Variants in MTMR8 observed in about 807,000 individuals in gnomAD.
The protein encoded by MTMR8 is myotubularin related protein 8.
MTMR8 carries 65 observed loss-of-function variants against 39.3 expected under a neutral mutation model. The ratio of observed to expected loss-of-function variants is 1.65; its 90% confidence interval spans 1.35 to 2.03. The LOEUF (loss-of-function observed/expected upper bound fraction) is 2.03. MTMR8 is among the 30% of genes most tolerant of loss of function. The probability of loss-of-function intolerance (pLI) is 0.00; values close to 1 mark genes in which losing one functional copy is unlikely to be tolerated. For synonymous variants in MTMR8, 245 were observed against 185.2 expected, an observed-to-expected ratio of 1.32 and a Z score of -2.62; for missense variants, 777 against 538.9, an observed-to-expected ratio of 1.44 and a Z score of -4.37.
intron 13 of MTMR8, 34 bp downstream of exon 13, chrX:64,270,913 C>A (rs1931745387): frequency 1.7e-6 from 2 of 1,197,159 alleles, no homozygotes; most frequent in Admixed American, 2.3e-5. Context: ...CCAGAAGGGG[C>A]AAGAAGATCT....
At chrX:64,293,649 C>A (rs1053904853) in intron 12 of MTMR8, among the ~76,000 whole-genome samples, 6 of 111,066 alleles carry the variant, frequency 5.4e-5, no homozygotes, top group African/African-American at 2.0e-4. Flanking sequence ...GACAATCACC[C>A]TTTTACCATA....
In MTMR8 at chrX:64,328,808, C is replaced by T. The variant is rs781079278; in HGVS notation, c.1445G>A (p.Gly482Glu). 8.4e-7 allele frequency: 1 copy of T among 1,196,339 alleles called. No individual in the cohort carries two copies. The highest frequency in any genetic ancestry group is 1.8e-5 in the African/African-American group (1 of 56,189). ...GGGCACAGTACTAGGATTGAGTACC[C>T]CATACATAGTGAAGCCTTTATAGAG... ...NPLYKGFTMY[G>E]VLNPSTVPYN... The change falls in exon 12 of 14, where the codon GGG (glycine) becomes GAG (glutamate). Residue 482 changes from glycine to glutamate, a missense_variant. Transcript: ENST00000374852.
chrX:64,373,754 G>A (rs1924188457), intron 1 of MTMR8, among the ~76,000 whole-genome samples: 1 of 111,213 alleles, frequency 9.0e-6, no homozygotes, highest in Admixed American at 9.6e-5. Context: ...GAGGCTAGGG[G>A]AAGATGCCAA....
chrX:64,352,080 C>T (rs1273322907), intron 4 of MTMR8, among the ~76,000 whole-genome samples: 1 of 111,930 alleles, frequency 8.9e-6, no homozygotes, highest in Non-Finnish European at 1.9e-5. Context: ...AACAATGTGG[C>T]TTATCCTGAA....
At chrX:64,326,659 C>T (rs1922800835) in intron 12 of MTMR8, among the ~76,000 whole-genome samples, 1 of 110,264 alleles carries the variant, frequency 9.1e-6, no homozygotes, top group Admixed American at 9.7e-5. Context: ...TAACAAAATA[C>T]CAATGGCATT....
At chrX:64,288,178 C>T (rs1921263746) in intron 12 of MTMR8, among the ~76,000 whole-genome samples, 1 of 109,477 alleles carries the variant, frequency 9.1e-6, no homozygotes, top group African/African-American at 3.3e-5. Flanking sequence ...CGAACAACCC[C>T]ATCAAAAAGT....
At chrX:64,340,561 T>A (rs1333352821) in intron 8 of MTMR8, among the ~76,000 whole-genome samples, 1 of 111,634 alleles carries the variant, frequency 9.0e-6, no homozygotes, top group Non-Finnish European at 1.9e-5. Flanking sequence ...CAATGAGTAA[T>A]CTTTGTAATA....
intron 4 of MTMR8, among the ~76,000 whole-genome samples, chrX:64,352,317 T>C (rs929322570): frequency 9.0e-6 from 1 of 111,630 alleles, no homozygotes; most frequent in Non-Finnish European, 1.9e-5. Flanking sequence ...GTTGACTTTG[T>C]CCCCTGAACC....
intron 12 of MTMR8, among the ~76,000 whole-genome samples, chrX:64,279,044 G>T (rs1017897305): frequency 9.0e-6 from 1 of 111,342 alleles, no homozygotes; most frequent in East Asian, 2.8e-4. Context: ...GGAGGCATGG[G>T]GTCAGGGACC....
chrX:64,348,554 A>T, intron 6 of MTMR8, 106 bp downstream of exon 6: 1 of 953,330 alleles, frequency 1.0e-6, no homozygotes, highest in Non-Finnish European at 1.4e-6. Flanking sequence ...CATAATAAAC[A>T]CACATACACA....
At chrX:64,305,126 TA>T in intron 12 of MTMR8, 1 of 216,508 alleles carries the variant, frequency 4.6e-6, no homozygotes, top group Non-Finnish European at 9.4e-6. Context: ...GGATCAAGGC[TA>T]AGATCTTCAT....
At chrX:64,389,905 A>G (rs1924651087) in intron 1 of MTMR8, among the ~76,000 whole-genome samples, 3 of 111,859 alleles carry the variant, frequency 2.7e-5, no homozygotes, top group Non-Finnish European at 3.8e-5. Context: ...TGCTTTTTCC[A>G]TTATATCACA....
intron 12 of MTMR8, among the ~76,000 whole-genome samples, chrX:64,282,516 A>G (rs1406951313): frequency 1.8e-5 from 2 of 111,686 alleles, no homozygotes; most frequent in Non-Finnish European, 3.8e-5. Context: ...AAAATTAGAA[A>G]AAAATAGACA....
intron 12 of MTMR8, among the ~76,000 whole-genome samples, chrX:64,297,414 T>A (rs1288291538): frequency 4.0e-5 from 4 of 100,910 alleles, no homozygotes; most frequent in Non-Finnish European, 8.0e-5. Flanking sequence ...CTTCACCCAC[T>A]TTTTGATGGG....
At position 64,359,509 on chromosome X, in the gene MTMR8, C is replaced by T; in HGVS notation, c.43G>A (p.Val15Met). ...TVPKVENVKL[V>M]DRYVSKKPAN... is the part of the protein sequence containing the mutation. ...GGTTTCTTACTCACATAACGATCCA[C>T]CAATTTCACGTTTTCTACCTGTTAT... The change falls in exon 2 of 14, where the codon GTG (valine) becomes ATG (methionine). Residue 15 changes from valine (V) to methionine (M), a missense_variant. Physicochemically the swap from Val to Met is conservative, Grantham distance 21. Transcript: ENST00000374852. 1 of 1,198,214 alleles carries T rather than the reference C, an allele frequency of 8.3e-7. No individual in the cohort carries two copies. The highest frequency in any genetic ancestry group is 1.1e-6 in the Non-Finnish European group (1 of 887,794).
intron 12 of MTMR8, among the ~76,000 whole-genome samples, chrX:64,302,810 C>T (rs1360521543): frequency 1.8e-5 from 2 of 112,170 alleles, no homozygotes; most frequent in East Asian, 5.6e-4. Context: ...GCAATAAAGA[C>T]CCCAAGCTGC....
rs948033653 is a variant in MTMR8, at chrX:64,331,469, T to C, written c.1352+88A>G. 5 of 849,370 alleles carry C rather than the reference T, an allele frequency of 5.9e-6. No homozygotes were observed. The Admixed American group carries it at 1.3e-4, about 22-fold the overall frequency. The allele number at this position is 849,370 out of a possible 1,213,427, so 70.0% of individuals were successfully genotyped here. A position where few individuals can be genotyped will look rare whatever the true frequency, so the allele number is the denominator to read the frequency against. On this transcript the variant is annotated intron_variant, in intron 11 of 13. Coordinates refer to ENST00000374852, the MANE Select transcript of MTMR8 (RefSeq NM_017677.4). ...TTGTTATCTCCTCCCCTTTCTTGAC[T>C]GCTATGCCAAATTCAGGGTGGTAGG... is the stretch of plus-strand genomic sequence containing the variant.
chrX:64,387,751 G>A (rs1924599935), intron 1 of MTMR8, among the ~76,000 whole-genome samples: 1 of 107,560 alleles, frequency 9.3e-6, no homozygotes, highest in Admixed American at 1.0e-4. Context: ...GAAGGGGAGA[G>A]AAAGGGATGC....
rs191963824 is a variant in MTMR8 at position 64,380,966 on chromosome X, T to A, written c.24+14374A>T. On this transcript the variant is annotated intron_variant, in intron 1 of 13. Transcript: ENST00000374852. Reference sequence around the variant, plus strand: ...TGCGTAGTATTCCATGGTGTATATGTGCCACATTTTCTTAATCAAGTCTAT... The same window carrying A: ...TGCGTAGTATTCCATGGTGTATATGAGCCACATTTTCTTAATCAAGTCTAT... 2.1e-4 allele frequency among the ~76,000 whole-genome samples: 24 copies of A among 112,440 alleles called. No homozygotes were observed. In the East Asian group the frequency reaches 6.4e-3, roughly 30 times the overall value.
Sources: allele counts gnomAD v4.1 joint callset (sites outside exome capture counted in the v4.1 genomes callset), GRCh38; gene constraint gnomAD v4.1.1; transcripts MANE v1.5; gene names NCBI Gene and HGNC (gene_info 2026-07-23, HGNC 2026-07-21).